The following PKIB variants were observed in gnomAD, a reference collection of about 807,000 sequenced individuals.
The protein encoded by PKIB is cAMP-dependent protein kinase inhibitor beta, also known as PKI-beta.
In PKIB, 2 loss-of-function variants were observed where a neutral mutation model predicts 4.5. The ratio of observed to expected loss-of-function variants is 0.44; its 90% CI spans 0.18 to 1.39. PKIB has a LOEUF of 1.39. Ranked by LOEUF, PKIB falls within the 40% of genes most tolerant of loss-of-function variation. The probability of loss-of-function intolerance (pLI) is 0.27; values close to 1 mark genes in which losing one functional copy is unlikely to be tolerated. For missense variants in PKIB, 94 were observed against 92.6 expected, an observed-to-expected ratio of 1.02 and a Z score of -0.06; for synonymous variants, 38 against 36.0, an observed-to-expected ratio of 1.06 and a Z score of -0.20.
intron 2 of PKIB, among the ~76,000 whole-genome samples, chr6:122,558,738 T>G (rs1772923393): frequency 6.6e-6 from 1 of 152,170 alleles, no homozygotes; most frequent in Non-Finnish European, 1.5e-5. Context: ...ATTTTATTTT[T>G]TAATCAATTG....
At chr6:122,695,658 A>C (rs1378585138) in intron 3 of PKIB, among the ~76,000 whole-genome samples, 1 of 152,118 alleles carries the variant, frequency 6.6e-6, no homozygotes, top group East Asian at 1.9e-4. Flanking sequence ...TAACTTTATA[A>C]AGTTATTTTA....
At chr6:122,564,854 C>G (rs1320538929) in intron 2 of PKIB, among the ~76,000 whole-genome samples, 2 of 152,050 alleles carry the variant, frequency 1.3e-5, no homozygotes, top group Non-Finnish European at 2.9e-5. Flanking sequence ...TGGGTATTTC[C>G]AAGCATTTGC....
At chr6:122,576,108 G>T (rs1031270943) in intron 2 of PKIB, among the ~76,000 whole-genome samples, 41 of 152,172 alleles carry the variant, frequency 2.7e-4, no homozygotes, top group African/African-American at 9.9e-4. Flanking sequence ...AGAAGTAAAA[G>T]AAACATTTTG....
At chr6:122,692,845 A>C (rs2115004637) in intron 3 of PKIB, among the ~76,000 whole-genome samples, 1 of 152,370 alleles carries the variant, frequency 6.6e-6, no homozygotes, top group South Asian at 2.1e-4. Context: ...AATACATCAA[A>C]GAAACATTAT....
chr6:122,547,009 C>G (rs1263974290), intron 2 of PKIB, among the ~76,000 whole-genome samples: 1 of 152,052 alleles, frequency 6.6e-6, no homozygotes, highest in Non-Finnish European at 1.5e-5. Flanking sequence ...TTACTTTTGA[C>G]CCATACAGGT....
chr6:122,555,814 C>T (rs996635086), intron 2 of PKIB, among the ~76,000 whole-genome samples: 1 of 152,176 alleles, frequency 6.6e-6, no homozygotes, highest in African/African-American at 2.4e-5. Flanking sequence ...AGTGTTGATA[C>T]TTGTGAAAAG....
chr6:122,616,028 A>T (rs1043646375), intron 1 of PKIB, among the ~76,000 whole-genome samples: 1 of 152,186 alleles, frequency 6.6e-6, no homozygotes, highest in Admixed American at 6.5e-5. Flanking sequence ...TGGGGTGAAG[A>T]TATCCAAGAA....
At chr6:122,629,716 CTG>C (rs1775614707) in intron 1 of PKIB, among the ~76,000 whole-genome samples, 1 of 152,138 alleles carries the variant, frequency 6.6e-6, no homozygotes, top group Non-Finnish European at 1.5e-5. Context: ...CACTTTTCCT[CTG>C]TGGTCTTCCT....
At chr6:122,608,373 A>G (rs1158865451), upstream of PKIB, among the ~76,000 whole-genome samples, 2 of 152,250 alleles carry the variant, frequency 1.3e-5, no homozygotes, top group Non-Finnish European at 2.9e-5. Context: ...ACACAAATTC[A>G]CAATTCACAT....
intron 2 of PKIB, among the ~76,000 whole-genome samples, chr6:122,662,118 G>A (rs1777012951): frequency 6.6e-6 from 1 of 151,704 alleles, no homozygotes; most frequent in South Asian, 2.1e-4. Context: ...CATATGATTG[G>A]CAAGTGTTTT....
chr6:122,649,807 G>A (rs915231768), intron 2 of PKIB, among the ~76,000 whole-genome samples: 5 of 152,118 alleles, frequency 3.3e-5, no homozygotes, highest in African/African-American at 1.2e-4. Context: ...TTCAGAAGAT[G>A]GCAGGGTTTT....
intron 2 of PKIB, among the ~76,000 whole-genome samples, chr6:122,537,177 A>G (rs1007035282): frequency 1.3e-5 from 2 of 151,044 alleles, no homozygotes; most frequent in African/African-American, 4.9e-5. Context: ...TTATTTTATG[A>G]TTATTATACT....
chr6:122,637,027 T>C (rs1775941996), intron 2 of PKIB, among the ~76,000 whole-genome samples: 1 of 152,178 alleles, frequency 6.6e-6, no homozygotes, highest in African/African-American at 2.4e-5. Context: ...TAAATTTGGA[T>C]ATTTTATTTA....
At chr6:122,484,098 A>G (rs1414567083) in intron 2 of PKIB, 1 of 152,134 alleles carries the variant, frequency 6.6e-6, no homozygotes, top group African/African-American at 2.4e-5. Flanking sequence ...GGCTTGGTAA[A>G]CAATTGAATG....
chr6:122,507,645 G>A (rs780068323), intron 2 of PKIB, among the ~76,000 whole-genome samples: 10 of 151,756 alleles, frequency 6.6e-5, no homozygotes, highest in African/African-American at 2.2e-4. Flanking sequence ...TGTTGGGGGC[G>A]GGGGTGGAAA....
intron 3 of PKIB, among the ~76,000 whole-genome samples, chr6:122,588,859 A>T (rs1225928654): frequency 6.6e-6 from 1 of 152,194 alleles, no homozygotes; most frequent in Non-Finnish European, 1.5e-5. Flanking sequence ...AGAAACAGAA[A>T]CTTGGAGAGG....
intron 2 of PKIB, among the ~76,000 whole-genome samples, chr6:122,665,256 G>A (rs756914172): frequency 2.6e-5 from 4 of 152,164 alleles, no homozygotes; most frequent in Non-Finnish European, 5.9e-5. Flanking sequence ...AGCAAAATAC[G>A]AAACCTTAAT....
intron 3 of PKIB, among the ~76,000 whole-genome samples, chr6:122,715,386 A>G (rs1319675024): frequency 6.6e-6 from 1 of 152,040 alleles, no homozygotes; most frequent in Non-Finnish European, 1.5e-5. Context: ...ACTTGCAGCC[A>G]TAGTGGTTTC....
intron 4 of PKIB, 129 bp downstream of exon 4, chr6:122,718,092 G>T: frequency 3.2e-6 from 3 of 944,892 alleles, no homozygotes; most frequent in South Asian, 1.8e-5. Flanking sequence ...AAACCTCTCA[G>T]CTTTTGTTTA....
Sources: gnomAD v4.1 joint callset for allele counts (sites outside exome capture counted in the v4.1 genomes callset) on GRCh38, gnomAD v4.1.1 for gene constraint, MANE v1.5 for transcripts, NCBI Gene and HGNC (gene_info 2026-07-23, HGNC 2026-07-21) for gene names.